The following TRPM2 variants were observed in gnomAD, a reference collection of about 807,000 sequenced individuals.
TRPM2 encodes transient receptor potential cation channel subfamily M member 2.
In TRPM2, 161 loss-of-function variants were observed where a neutral mutation model predicts 174.0. The observed-to-expected ratio is 0.93, with a 90% CI of 0.81 to 1.05. The LOEUF is 1.05. TRPM2 is among the 50% of genes least tolerant of loss of function. TRPM2 has a pLI of 0.00. For missense variants in TRPM2, 2,057 were observed against 2,038.0 expected (o/e 1.01, Z -0.18); for synonymous variants, 954 against 861.3 (o/e 1.11, Z -1.88).
Position 44,425,768 on chromosome 21 carries a change from C to A in TRPM2, c.3736C>A (p.Leu1246Ile), listed in dbSNP as rs201007554. 6.6e-5 allele frequency: 106 copies of A among 1,597,190 alleles called. No individual in the cohort carries two copies. The highest frequency in any genetic ancestry group is 8.5e-5 in the Non-Finnish European group (99 of 1,169,658). Residue 1246 changes from leucine to isoleucine, a missense_variant, in exon 25 of 32, where the codon CTC becomes ATC. By Grantham distance (5) the Leu-to-Ile change is conservative. Transcript: ENST00000397928. ...CTACCACGTGAATGCCCGGCACCTC[C>A]TCTACCCCAACTGCCCTGTCACGCG... is the stretch of plus-strand genomic sequence containing the variant. The part of the protein sequence containing the change: ...DSYHVNARHL[L>I]YPNCPVTRFP...
intron 5 of TRPM2, among the ~76,000 whole-genome samples, chr21:44,370,047 T>C (rs976266360): frequency 6.6e-6 from 1 of 151,796 alleles, no homozygotes; most frequent in South Asian, 2.1e-4. Flanking sequence ...ACTCAGGAGA[T>C]TGGGTGCAAC....
intron 27 of TRPM2, among the ~76,000 whole-genome samples, chr21:44,430,921 T>A (rs1056805770): frequency 6.6e-6 from 1 of 151,150 alleles, no homozygotes; most frequent in Non-Finnish European, 1.5e-5. Context: ...AAATATATAG[T>A]AATTTCTCTT....
upstream of TRPM2, among the ~76,000 whole-genome samples, chr21:44,351,620 C>T (rs181064143): frequency 6.6e-6 from 1 of 152,324 alleles, no homozygotes; most frequent in African/African-American, 2.4e-5. Context: ...GGTAGAAGAA[C>T]CCCAGAAAGG....
At chr21:44,377,676 A>G in intron 6 of TRPM2, 36 bp from the exon 7 acceptor site, 1 of 1,612,626 alleles carries the variant, frequency 6.2e-7, no homozygotes, top group African/African-American at 1.3e-5. Context: ...TGCTTTGTTT[A>G]GGTGTGGCCC....
chr21:44,385,476 A>G (rs149614076), intron 9 of TRPM2, among the ~76,000 whole-genome samples: 5 of 152,372 alleles, frequency 3.3e-5, no homozygotes, highest in Non-Finnish European at 5.9e-5. Flanking sequence ...TCCAAGATAG[A>G]AATAAGGGAA....
At chr21:44,368,921 G>A (rs1005076677) in intron 4 of TRPM2, among the ~76,000 whole-genome samples, 24 of 152,174 alleles carry the variant, frequency 1.6e-4, no homozygotes, top group Admixed American at 1.4e-3. Flanking sequence ...GCTGAGAACC[G>A]CGATCCTGAG....
intron 7 of TRPM2, among the ~76,000 whole-genome samples, chr21:44,378,685 C>A (rs555883047): frequency 6.6e-6 from 1 of 152,284 alleles, no homozygotes; most frequent in South Asian, 2.1e-4. Context: ...GTCGGTAACT[C>A]CAGGTCCATG....
rs1227486395 is a variant in TRPM2, at chr21:44,376,760, G to A, written c.952+747G>A. On this transcript the variant is annotated intron_variant, in intron 6 of 31. Transcript: ENST00000397928. The surrounding 1 kb of genome is among the most constrained non-coding windows in gnomAD (Gnocchi z 4.2). ...GGAGGTGTCTGACCTGTGGCTGGGTGGGCTGGGGTCCCTTGCAGGGTTCCT... is the reference window on the plus strand; with the variant it reads ...GGAGGTGTCTGACCTGTGGCTGGGTAGGCTGGGGTCCCTTGCAGGGTTCCT... Among the ~76,000 whole-genome samples the A allele has an allele frequency of 6.6e-6, 1 of 152,212 alleles. No homozygotes were observed. Among genetic ancestry groups the A allele is most frequent in the African/African-American group, 2.4e-5 (1 of 41,454 alleles).
chr21:44,388,650 CAAAA>C (rs60322957), intron 9 of TRPM2, among the ~76,000 whole-genome samples: 3,411 of 83,016 alleles, frequency 0.041, 99 homozygotes, highest in African/African-American at 0.11. Context: ...CCTGTCACTA[CAAAA>C]AAAAAAAAAA....
At chr21:44,387,883 C>G (rs1283754267) in intron 9 of TRPM2, among the ~76,000 whole-genome samples, 3 of 152,280 alleles carry the variant, frequency 2.0e-5, no homozygotes, top group East Asian at 3.9e-4. Flanking sequence ...TAGAAAAGAA[C>G]AGAAAATCAC....
chr21:44,424,994 C>A, intron 24 of TRPM2, 55 bp downstream of exon 24: 2 of 1,500,512 alleles, frequency 1.3e-6, no homozygotes, highest in South Asian at 1.2e-5. Context: ...TCTTTTGGGT[C>A]TGGGGTCAGT....
At chr21:44,386,451 G>A (rs2049018893) in intron 9 of TRPM2, among the ~76,000 whole-genome samples, 2 of 151,936 alleles carry the variant, frequency 1.3e-5, no homozygotes, top group African/African-American at 4.8e-5. Context: ...CACTAAAAAT[G>A]AATAATCAGA....
In TRPM2 at chr21:44,405,930, G is replaced by T; in HGVS notation, c.2683G>T (p.Gly895Trp). ...GCTCATCCCGGCGACGCTGTACCCCGGGCGCGTCATCCTCTCTCTGGACTT... is the reference window on the plus strand; with the variant it reads ...GCTCATCCCGGCGACGCTGTACCCCTGGCGCGTCATCCTCTCTCTGGACTT... ...CRLIPATLYP[G>W]RVILSLDFIL... The change falls in exon 18 of 32, where the codon GGG becomes TGG. Residue 895 changes from glycine (G) to tryptophan (W), a missense_variant. Physicochemically the swap from Gly to Trp is radical, Grantham distance 184. Transcript: ENST00000397928. 1.2e-6 allele frequency: 2 copies of T among 1,605,932 alleles called. No homozygotes were observed.
At chr21:44,433,852 C>T (rs936812464) in intron 27 of TRPM2, among the ~76,000 whole-genome samples, 21 of 152,260 alleles carry the variant, frequency 1.4e-4, no homozygotes, top group African/African-American at 4.1e-4. Context: ...GGCAGGTCTG[C>T]GCAGAGGTGT....
chr21:44,407,410 G>A (rs2049941512), intron 19 of TRPM2, among the ~76,000 whole-genome samples: 1 of 146,082 alleles, frequency 6.8e-6, no homozygotes, highest in Non-Finnish European at 1.5e-5. Flanking sequence ...ACAGGCGTGA[G>A]CCACCATGCC....
chr21:44,368,309 G>A (rs999414124), intron 4 of TRPM2, among the ~76,000 whole-genome samples: 1 of 151,944 alleles, frequency 6.6e-6, no homozygotes, highest in African/African-American at 2.4e-5. Context: ...CAAGGTCTAT[G>A]TTGTCCAGGC....
intron 23 of TRPM2, among the ~76,000 whole-genome samples, chr21:44,424,328 G>A (rs2050670361): frequency 6.6e-6 from 1 of 152,200 alleles, no homozygotes; most frequent in Non-Finnish European, 1.5e-5. Flanking sequence ...CCAGGGGTCT[G>A]CCCAGGCCGC....
chr21:44,351,651 G>T (rs1156869020), upstream of TRPM2, among the ~76,000 whole-genome samples: 1 of 152,220 alleles, frequency 6.6e-6, no homozygotes, highest in Non-Finnish European at 1.5e-5. Flanking sequence ...CCCTTGGAAG[G>T]TCGTTGCCAG....
At chr21:44,407,447 A>C (rs2049943059) in intron 19 of TRPM2, among the ~76,000 whole-genome samples, 1 of 119,730 alleles carries the variant, frequency 8.4e-6, no homozygotes, top group Non-Finnish European at 1.7e-5. Flanking sequence ...TTTCATATAG[A>C]AGGTTTTTTT....
Sources: allele counts gnomAD v4.1 joint callset (sites outside exome capture counted in the v4.1 genomes callset), GRCh38; gene constraint gnomAD v4.1.1; non-coding constraint Gnocchi (gnomAD v3.1); transcripts MANE v1.5; gene names NCBI Gene and HGNC (gene_info 2026-07-23, HGNC 2026-07-21).